The following LAMB4 variants were observed in gnomAD, a reference collection of about 807,000 sequenced individuals.
LAMB4 encodes the protein laminin subunit beta 4.
LAMB4 carries 196 observed loss-of-function variants against 199.2 expected under a neutral mutation model. The observed-to-expected ratio is 0.98, with a 90% confidence interval of 0.88 to 1.11. LAMB4 has a LOEUF of 1.11. Ranked by LOEUF, LAMB4 falls within the 50% of genes least tolerant of loss-of-function variation. The pLI is 0.00. For synonymous variants in LAMB4, 744 were observed against 770.6 expected (o/e 0.97, Z 0.57); for missense variants, 2,080 against 2,171.2 (o/e 0.96, Z 0.83).
chr7:108,025,515 G>A (rs1039349870), intron 33 of LAMB4, among the ~76,000 whole-genome samples: 37 of 150,484 alleles, frequency 2.5e-4, no homozygotes, highest in South Asian at 4.2e-4. Flanking sequence ...TGCAACCTCC[G>A]CCTCCTGGGT....
intron 14 of LAMB4, among the ~76,000 whole-genome samples, chr7:108,086,738 G>C (rs1479279688): frequency 2.6e-5 from 4 of 152,196 alleles, no homozygotes; most frequent in African/African-American, 7.2e-5. Context: ...GGAGCATGTT[G>C]TGGATGCTTA....
At chr7:108,030,674 A>G in intron 32 of LAMB4, 132 bp downstream of exon 32, 1 of 833,578 alleles carries the variant, frequency 1.2e-6, no homozygotes, top group Non-Finnish European at 1.9e-6. Flanking sequence ...GATCCCCTCA[A>G]AGATATACCA....
At chr7:108,075,581 T>A (rs1243520556) in intron 17 of LAMB4, 1 of 152,248 alleles carries the variant, frequency 6.6e-6, no homozygotes, top group Admixed American at 6.5e-5. Flanking sequence ...TGAAATTACT[T>A]TTTAAAAATC....
At chr7:108,041,367 C>T (rs1025356595) in intron 29 of LAMB4, among the ~76,000 whole-genome samples, 8 of 152,126 alleles carry the variant, frequency 5.3e-5, no homozygotes, top group African/African-American at 9.7e-5. Context: ...AAAAAGATTA[C>T]AATTTGACCT....
intron 1 of LAMB4, among the ~76,000 whole-genome samples, chr7:108,125,241 G>A (rs1463597307): frequency 6.6e-6 from 1 of 152,194 alleles, no homozygotes; most frequent in East Asian, 1.9e-4. Context: ...ACTTTTCTAG[G>A]TGGTACTTTC....
chr7:108,118,904 TCTTGTA>T (rs2038502627), intron 2 of LAMB4, among the ~76,000 whole-genome samples: 1 of 152,140 alleles, frequency 6.6e-6, no homozygotes, highest in South Asian at 2.1e-4. Flanking sequence ...CCAACAAAGC[TCTTGTA>T]CTTACAATTT....
intron 1 of LAMB4, among the ~76,000 whole-genome samples, chr7:108,125,916 G>A (rs2038763081): frequency 1.3e-5 from 2 of 152,180 alleles, no homozygotes; most frequent in Non-Finnish European, 2.9e-5. Context: ...CAACAATAAA[G>A]GTCATGGTAC....
intron 17 of LAMB4, among the ~76,000 whole-genome samples, chr7:108,073,432 C>G (rs1236852888): frequency 2.0e-5 from 3 of 152,168 alleles, no homozygotes; most frequent in Non-Finnish European, 4.4e-5. Flanking sequence ...TTCTAGAATG[C>G]CTAATATATT....
intron 30 of LAMB4, among the ~76,000 whole-genome samples, chr7:108,037,182 C>G (rs1187811098): frequency 6.6e-6 from 1 of 151,986 alleles, no homozygotes; most frequent in East Asian, 1.9e-4. Flanking sequence ...TCTAAGAAAA[C>G]AGGAAGAAAA....
intron 1 of LAMB4, among the ~76,000 whole-genome samples, chr7:108,128,737 G>A (rs540339996): frequency 8.2e-4 from 125 of 152,240 alleles, no homozygotes; most frequent in African/African-American, 2.0e-3. Context: ...GCCTTCCTTC[G>A]TCAAACTATA....
At chr7:108,103,291 GC>G in intron 9 of LAMB4, 59 bp from the exon 10 acceptor site, 3 of 1,395,970 alleles carry the variant, frequency 2.1e-6, no homozygotes, top group Non-Finnish European at 2.9e-6. Context: ...CACAGCCAGT[GC>G]CCCCGCACTG....
chr7:108,048,157 GCTT>G, intron 27 of LAMB4, 46 bp from the exon 28 acceptor site: 1 of 649,512 alleles, frequency 1.5e-6, no homozygotes, highest in Non-Finnish European at 2.4e-6. Flanking sequence ...TGTTGTCAGA[GCTT>G]TTTTTTTTTT....
chr7:108,020,898 G>A (rs1171252675), downstream of LAMB4, among the ~76,000 whole-genome samples: 1 of 152,180 alleles, frequency 6.6e-6, no homozygotes, highest in Non-Finnish European at 1.5e-5. Flanking sequence ...AAAGGGGGGT[G>A]TATAATTTTG....
intron 19 of LAMB4, among the ~76,000 whole-genome samples, chr7:108,067,429 G>C (rs959336213): frequency 6.6e-6 from 1 of 152,248 alleles, no homozygotes; most frequent in African/African-American, 2.4e-5. Flanking sequence ...ACTGTGAAGA[G>C]AGAACTATAT....
intron 2 of LAMB4, among the ~76,000 whole-genome samples, chr7:108,118,019 C>T (rs1442174396): frequency 6.6e-6 from 1 of 152,186 alleles, no homozygotes; most frequent in Non-Finnish European, 1.5e-5. Context: ...ATGCCTTAAC[C>T]ATCTGGGAAT....
At chr7:108,063,659 G>T in intron 22 of LAMB4, 102 bp downstream of exon 22, 1 of 1,041,562 alleles carries the variant, frequency 9.6e-7, no homozygotes, top group Admixed American at 1.7e-5. Flanking sequence ...GCTTTTGCCT[G>T]CTGGGACTGG....
Position 108,063,816 on chromosome 7 carries a change from G to C in LAMB4, c.3006C>G (p.Asn1002Lys), listed in dbSNP as rs1405274950. Residue 1002 changes from asparagine (N) to lysine (K), a missense_variant, in exon 22 of 34, where the codon AAC becomes AAG. Physicochemically the swap from Asn to Lys is moderately conservative, Grantham distance 94. Transcript: ENST00000388781. ...AGTGACCTGGTTTGCAGAGCTGGCA[G>C]TTTGCGCCCTGAGTGTTGTGCAAAC... ...LRCLHNTQGA[N>K]CQLCKPGHYG... 1.9e-6 allele frequency: 3 copies of C among 1,614,130 alleles called. No individual in the cohort carries two copies. Among genetic ancestry groups the C allele is most frequent in the Non-Finnish European group, 1.7e-6 (2 of 1,180,054 alleles).
intron 17 of LAMB4, among the ~76,000 whole-genome samples, chr7:108,070,120 CAT>C (rs1363590062): frequency 6.6e-6 from 1 of 152,090 alleles, no homozygotes; most frequent in Admixed American, 6.6e-5. Context: ...TTTCTACTAT[CAT>C]ATTTTTTACT....
intron 28 of LAMB4, 58 bp from the exon 29 acceptor site, chr7:108,043,954 T>C (rs983362645): frequency 7.8e-5 from 113 of 1,448,178 alleles, no homozygotes; most frequent in Non-Finnish European, 1.1e-5. Flanking sequence ...AAAGTCATGT[T>C]CTTTGATGTT....
Sources: allele counts gnomAD v4.1 joint callset (sites outside exome capture counted in the v4.1 genomes callset), GRCh38; gene constraint gnomAD v4.1.1; transcripts MANE v1.5; gene names NCBI Gene and HGNC (gene_info 2026-07-23, HGNC 2026-07-21).